The following EML4 variants were observed in gnomAD, a reference collection of about 807,000 sequenced individuals.
The protein encoded by EML4 is echinoderm microtubule-associated protein-like 4.
EML4 carries 72 observed loss-of-function variants against 129.0 expected under a neutral mutation model. The observed-to-expected ratio is 0.56, with a 90% confidence interval of 0.46 to 0.68. The LOEUF is 0.68. Among genes scored for constraint, EML4 ranks in the 30% least tolerant of loss-of-function variants. The pLI, the probability that EML4 is intolerant of heterozygous loss-of-function variation, is 0.00. For missense variants in EML4, 1,363 were observed against 1,190.6 expected, an observed-to-expected ratio of 1.14 and a Z score of -2.13; for synonymous variants, 532 against 405.0, an observed-to-expected ratio of 1.31 and a Z score of -3.77.
In EML4 at chr2:42,169,633, C is replaced by G; in HGVS notation, c.22C>G (p.Leu8Val). The stretch of plus-strand genomic sequence containing the variant: ...CAAGATGGACGGTTTCGCCGGCAGT[C>G]TCGGTGAGTACGGCTGGGGAGTCCT... Reference protein sequence around the residue: MDGFAGSLDDSISAASTS... With the variant: MDGFAGSVDDSISAASTS... Residue 8 changes from leucine (L) to valine (V), a missense_variant, in exon 1 of 23, where the codon CTC becomes GTC. Transcript: ENST00000318522. 2.5e-6 allele frequency: 4 copies of G among 1,603,028 alleles called. No homozygotes were observed. The highest frequency in any genetic ancestry group is 2.3e-5 in the East Asian group (1 of 43,800).
intron 2 of EML4, among the ~76,000 whole-genome samples, chr2:42,250,931 T>A (rs1675725072): frequency 6.6e-6 from 1 of 152,204 alleles, no homozygotes; most frequent in African/African-American, 2.4e-5. Context: ...TCATCAGGCA[T>A]TAGATTCTCA....
chr2:42,273,917 A>G lies in EML4; in HGVS notation c.668-6933A>G, dbSNP rs538293404. Among the ~76,000 whole-genome samples the G allele has an allele frequency of 2.0e-5, 3 of 152,320 alleles. No individual in the cohort carries two copies. The East Asian group carries it at 5.8e-4, about 29-fold the overall frequency. On this transcript the variant is annotated intron_variant, in intron 6 of 22. Coordinates refer to ENST00000318522, the MANE Select transcript of EML4 (RefSeq NM_019063.5). Reference sequence around the variant, plus strand: ...TTCCATTGTTTCATTGGAATTTTAAAATACTGAATTATAACCAGAAAATAA... The same window carrying G: ...TTCCATTGTTTCATTGGAATTTTAAGATACTGAATTATAACCAGAAAATAA...
rs1558619094 is a variant in EML4, at chr2:42,329,955, C to G, written c.2694C>G (p.Pro898=). ...AAAGTGTCATCCAATCTAATACTCC[C>G]ACACCGCCTCCTTCTCAGCCCTTAA... The part of the protein sequence containing the change: ...STESVIQSNT[P]TPPPSQPLNE... The change falls in exon 23 of 23, where the codon CCC becomes CCG. Residue 898 remains proline, a synonymous_variant. Coordinates refer to ENST00000318522, the MANE Select transcript of EML4 (RefSeq NM_019063.5). 1 of 1,613,980 alleles carries G rather than the reference C, an allele frequency of 6.2e-7. No individual in the cohort carries two copies. Among genetic ancestry groups the G allele is most frequent in the Non-Finnish European group, 8.5e-7 (1 of 1,180,012 alleles).
At chr2:42,277,583 T>G (rs775609118) in intron 6 of EML4, among the ~76,000 whole-genome samples, 6 of 151,862 alleles carry the variant, frequency 4.0e-5, no homozygotes, top group Middle Eastern at 3.4e-3. Flanking sequence ...TTTTTTTTTT[T>G]TTTTGAGACG....
At chr2:42,193,009 T>C (rs1339526090) in intron 1 of EML4, among the ~76,000 whole-genome samples, 1 of 152,190 alleles carries the variant, frequency 6.6e-6, no homozygotes, top group Non-Finnish European at 1.5e-5. Context: ...GTTTGGCTGG[T>C]TGGCTCCACT....
rs1400302928 is a variant in EML4 at position 42,264,874 on chromosome 2, A to C, written c.667+143A>C. 3 of 1,544,292 alleles carry C rather than the reference A, an allele frequency of 1.9e-6. No homozygotes were observed. The Admixed American group carries it at 6.0e-5, about 31-fold the overall frequency. ...GCGTTACTGTAGTCATTTAGGAAAA[A>C]ACCCAGTTTTTATTGTAAGGTAATG... On this transcript the variant is annotated intron_variant, in intron 6 of 22. Coordinates refer to ENST00000318522, the MANE Select transcript of EML4 (RefSeq NM_019063.5).
chr2:42,240,245 AG>A (rs1410245354), intron 1 of EML4, among the ~76,000 whole-genome samples: 1 of 152,248 alleles, frequency 6.6e-6, no homozygotes, highest in Non-Finnish European at 1.5e-5. Flanking sequence ...TTTACCTTAA[AG>A]GGCATAAATT....
chr2:42,210,058 T>C (rs1243653041), intron 1 of EML4, among the ~76,000 whole-genome samples: 1 of 152,218 alleles, frequency 6.6e-6, no homozygotes, highest in African/African-American at 2.4e-5. Context: ...TCCCTTATTA[T>C]TAATATCTTA....
At chr2:42,283,722 C>T (rs1052467553) in intron 8 of EML4, among the ~76,000 whole-genome samples, 1 of 152,076 alleles carries the variant, frequency 6.6e-6, no homozygotes, top group Non-Finnish European at 1.5e-5. Context: ...TTTACACTTG[C>T]AGAATAATGT....
intron 1 of EML4, among the ~76,000 whole-genome samples, chr2:42,229,276 A>G (rs1674171704): frequency 2.0e-5 from 3 of 152,192 alleles, no homozygotes; most frequent in African/African-American, 7.2e-5. Context: ...TATGTCATCT[A>G]GATGTTCTTA....
chr2:42,204,130 G>C (rs1455259389), intron 1 of EML4, among the ~76,000 whole-genome samples: 2 of 152,074 alleles, frequency 1.3e-5, no homozygotes, highest in South Asian at 4.1e-4. Flanking sequence ...TTGTTGCCCA[G>C]GCTGGTCTCA....
Position 42,284,699 on chromosome 2 carries a change from G to A in EML4, c.1007G>A (p.Gly336Glu). The change falls in exon 9 of 23, where the codon GGA becomes GAA. Residue 336 changes from glycine to glutamate, a missense_variant. By Grantham distance (98) the Gly-to-Glu change is moderately conservative. Coordinates refer to ENST00000318522, the MANE Select transcript of EML4 (RefSeq NM_019063.5). ...TGQIAGVDKD[G>E]RPLQPHVRVW... ...CAGATAGCTGGCGTGGATAAAGATG[G>A]AAGGGTGAGTGGCATAGTGTTATGC... 1 of 1,612,198 alleles carries A rather than the reference G, an allele frequency of 6.2e-7. No individual in the cohort carries two copies. The highest frequency in any genetic ancestry group is 1.1e-5 in the South Asian group (1 of 90,750).
At chr2:42,313,191 C>G (rs947840570) in intron 17 of EML4, among the ~76,000 whole-genome samples, 1 of 151,588 alleles carries the variant, frequency 6.6e-6, no homozygotes, top group Non-Finnish European at 1.5e-5. Context: ...CTCCTGACCT[C>G]GTGATCCGCC....
At chr2:42,274,643 A>G (rs1240015831) in intron 6 of EML4, among the ~76,000 whole-genome samples, 2 of 152,212 alleles carry the variant, frequency 1.3e-5, no homozygotes, top group African/African-American at 4.8e-5. Flanking sequence ...ACCATTATTT[A>G]TACGTGAGTA....
chr2:42,280,023 A>G (rs1666918691), intron 6 of EML4, among the ~76,000 whole-genome samples: 1 of 152,106 alleles, frequency 6.6e-6, no homozygotes, highest in Admixed American at 6.5e-5. Context: ...TATTAGATAT[A>G]TGGCTTGCAA....
chr2:42,183,371 T>C (rs563672848), intron 1 of EML4, among the ~76,000 whole-genome samples: 62 of 152,208 alleles, frequency 4.1e-4, no homozygotes, highest in Non-Finnish European at 6.8e-4. Context: ...GTGTAAACAA[T>C]TGATGTGTAC....
chr2:42,197,306 C>T (rs1442162214), intron 1 of EML4, among the ~76,000 whole-genome samples: 5 of 152,060 alleles, frequency 3.3e-5, no homozygotes, highest in African/African-American at 1.2e-4. Flanking sequence ...TCAAGTGATC[C>T]GCTTGCCTCA....
At chr2:42,264,840 A>G in intron 6 of EML4, 109 bp downstream of exon 6, 1 of 1,460,136 alleles carries the variant, frequency 6.8e-7, no homozygotes, top group Non-Finnish European at 9.4e-7. Context: ...ATAGTAATCA[A>G]AGAAAAGTGC....
chr2:42,290,701 C>T (rs148792459), intron 11 of EML4, among the ~76,000 whole-genome samples: 192 of 152,272 alleles, frequency 1.3e-3, no homozygotes, highest in African/African-American at 4.5e-3. Flanking sequence ...CACTGCACTG[C>T]AGCCAGGGGA....
Sources: gnomAD v4.1 joint callset for allele counts (sites outside exome capture counted in the v4.1 genomes callset) on GRCh38, gnomAD v4.1.1 for gene constraint, MANE v1.5 for transcripts, NCBI Gene and HGNC (gene_info 2026-07-23, HGNC 2026-07-21) for gene names.